Variants in C12orf42 observed in about 807,000 individuals in gnomAD.
C12orf42 encodes the protein uncharacterized protein C12orf42.
A neutral mutation model predicts 21.6 loss-of-function variants in C12orf42; 25 were observed. That is an observed-to-expected ratio of 1.16 (90% CI 0.84 to 1.62). The LOEUF is 1.62. C12orf42 is among the 40% of genes most tolerant of loss of function. C12orf42 has a pLI of 0.00. For synonymous variants in C12orf42, 174 were observed against 175.0 expected (o/e 0.99, Z 0.05); for missense variants, 483 against 459.3 (o/e 1.05, Z -0.47).
At chr12:103,364,652 T>C (rs1367487222) in intron 4 of C12orf42, among the ~76,000 whole-genome samples, 2 of 151,894 alleles carry the variant, frequency 1.3e-5, no homozygotes, top group Non-Finnish European at 2.9e-5. Context: ...ATGAGAGATA[T>C]TACAACCAAC....
intron 2 of C12orf42, among the ~76,000 whole-genome samples, chr12:103,405,071 C>G (rs1039868328): frequency 6.6e-6 from 1 of 152,184 alleles, no homozygotes; most frequent in Non-Finnish European, 1.5e-5. Context: ...TGTTTGACCA[C>G]AGCCTTTTAT....
the C12orf42 span, among the ~76,000 whole-genome samples, chr12:103,201,665 C>G: frequency 1.3e-5 from 2 of 152,122 alleles, no homozygotes; most frequent in African/African-American, 4.8e-5. Context: ...TAATTGCTCT[C>G]AATTGGCCGT....
chr12:103,166,860 A>G, the C12orf42 span, among the ~76,000 whole-genome samples: 3 of 152,186 alleles, frequency 2.0e-5, no homozygotes, highest in African/African-American at 7.2e-5. Context: ...TCTGCAATAC[A>G]AATAGCTCAA....
intron 2 of C12orf42, among the ~76,000 whole-genome samples, chr12:103,452,228 A>G (rs945838873): frequency 1.5e-4 from 23 of 152,092 alleles, no homozygotes; most frequent in African/African-American, 4.8e-4. Context: ...CTAATAGGCT[A>G]GCCTGGGGTT....
At chr12:103,078,905 G>A in the C12orf42 span, among the ~76,000 whole-genome samples, 1 of 152,056 alleles carries the variant, frequency 6.6e-6, no homozygotes, top group Non-Finnish European at 1.5e-5. Flanking sequence ...GTCTTATACT[G>A]CACACTAAAC....
intron 10 of C12orf42, among the ~76,000 whole-genome samples, chr12:103,253,988 C>G (rs1377190566): frequency 6.6e-6 from 1 of 152,094 alleles, no homozygotes; most frequent in African/African-American, 2.4e-5. Flanking sequence ...TAATTAGATA[C>G]CATTTGTCAA....
chr12:103,388,320 C>G (rs1398778075), intron 3 of C12orf42, among the ~76,000 whole-genome samples: 1 of 152,152 alleles, frequency 6.6e-6, no homozygotes, highest in Non-Finnish European at 1.5e-5. Flanking sequence ...TGGGTGGGGT[C>G]AGTGCCTAAA....
At chr12:103,407,025 T>A (rs1302771692) in intron 2 of C12orf42, among the ~76,000 whole-genome samples, 2 of 152,164 alleles carry the variant, frequency 1.3e-5, no homozygotes. Flanking sequence ...CAGCCAACAA[T>A]TTTTATCCTT....
chr12:103,551,362 A>G, the C12orf42 span, among the ~76,000 whole-genome samples: 2 of 152,284 alleles, frequency 1.3e-5, no homozygotes, highest in East Asian at 3.9e-4. Context: ...TTAAAATAAT[A>G]ATAATATGGT....
the C12orf42 span, among the ~76,000 whole-genome samples, chr12:103,222,258 G>C: frequency 6.6e-6 from 1 of 151,856 alleles, no homozygotes; most frequent in Non-Finnish European, 1.5e-5. Flanking sequence ...ATAGGATTTG[G>C]GTAGGTAAAG....
chr12:103,250,806 C>G (rs773439775), intron 10 of C12orf42, among the ~76,000 whole-genome samples: 3 of 151,946 alleles, frequency 2.0e-5, no homozygotes, highest in Non-Finnish European at 4.4e-5. Context: ...CAAGCTTTTT[C>G]CCTCCCACCT....
chr12:103,413,473 AC>A (rs566640339), intron 2 of C12orf42, among the ~76,000 whole-genome samples: 1,015 of 70,022 alleles, frequency 0.014, 7 homozygotes, highest in Non-Finnish European at 0.023. Context: ...TTTGGTATTT[AC>A]TCTATTATTA....
the C12orf42 span, among the ~76,000 whole-genome samples, chr12:103,523,033 G>A: frequency 6.6e-6 from 1 of 152,218 alleles, no homozygotes; most frequent in Non-Finnish European, 1.5e-5. Context: ...ACAATCCCAA[G>A]ATTGAATGAT....
chr12:103,538,457 C>T, the C12orf42 span, among the ~76,000 whole-genome samples: 2 of 152,214 alleles, frequency 1.3e-5, no homozygotes, highest in Non-Finnish European at 2.9e-5. Flanking sequence ...CTACAACTCT[C>T]AGAGTCCCTT....
chr12:103,070,865 A>G, the C12orf42 span, among the ~76,000 whole-genome samples: 11 of 152,206 alleles, frequency 7.2e-5, no homozygotes, highest in Admixed American at 2.0e-4. Context: ...TTGTCACGAC[A>G]CTGAAAATAT....
intron 5 of C12orf42, among the ~76,000 whole-genome samples, chr12:103,303,438 TTAAGA>T (rs1307950680): frequency 4.6e-5 from 7 of 152,314 alleles, no homozygotes; most frequent in African/African-American, 1.7e-4. Context: ...CAGTAGTGAC[TTAAGA>T]TAATTTATGT....
At chr12:103,224,205 C>T in the C12orf42 span, among the ~76,000 whole-genome samples, 1 of 152,124 alleles carries the variant, frequency 6.6e-6, no homozygotes, top group African/African-American at 2.4e-5. Context: ...ATTTGCCAGT[C>T]CTGGGTGGGG....
chr12:103,457,342 A>G (rs1276546917), intron 2 of C12orf42, among the ~76,000 whole-genome samples: 1 of 152,200 alleles, frequency 6.6e-6, no homozygotes, highest in African/African-American at 2.4e-5. Flanking sequence ...CTGGCAGGGT[A>G]TACACTGTGT....
At chr12:103,062,480 CTT>C in the C12orf42 span, among the ~76,000 whole-genome samples, 1 of 151,802 alleles carries the variant, frequency 6.6e-6, no homozygotes, top group Non-Finnish European at 1.5e-5. Context: ...CTTCTGGTTT[CTT>C]TTGTTTCTGT....
Sources: gnomAD v4.1 joint callset for allele counts (sites outside exome capture counted in the v4.1 genomes callset) on GRCh38, gnomAD v4.1.1 for gene constraint, MANE v1.5 for transcripts, NCBI Gene and HGNC (gene_info 2026-07-23, HGNC 2026-07-21) for gene names.